AMPD3: variants seen among roughly 807,000 people sequenced by gnomAD.
AMPD3 encodes the protein AMP deaminase 3.
Under a neutral mutation model 82.3 loss-of-function variants are expected in AMPD3, and 57 were observed. The ratio of observed to expected loss-of-function variants is 0.69; its 90% CI spans 0.56 to 0.86. The LOEUF is 0.86. AMPD3 is among the 40% of genes least tolerant of loss of function. The pLI is 0.00. For synonymous variants in AMPD3, 381 were observed against 394.7 expected, an observed-to-expected ratio of 0.97 and a Z score of 0.41; for missense variants, 870 against 1,003.8, an observed-to-expected ratio of 0.87 and a Z score of 1.80.
chr11:10,475,159 A>G (rs1848702178), intron 2 of AMPD3, among the ~76,000 whole-genome samples: 1 of 152,184 alleles, frequency 6.6e-6, no homozygotes, highest in Non-Finnish European at 1.5e-5. Context: ...GTGAAGGCAA[A>G]GCAGGAGCAG....
intron 5 of AMPD3, 39 bp from the exon 6 acceptor site, chr11:10,487,196 G>A (rs762536511): frequency 6.2e-7 from 1 of 1,613,296 alleles, no homozygotes; most frequent in East Asian, 2.2e-5. Context: ...AGAGCTCGAT[G>A]CGACTCAACT....
rs1848505819 is a variant in AMPD3, at chr11:10,469,072, A to G, written c.221+7332A>G. Among the ~76,000 whole-genome samples, 3 of 152,348 alleles carry G rather than the reference A, an allele frequency of 2.0e-5. No homozygotes were observed. In the South Asian group the frequency reaches 6.2e-4, roughly 32 times the overall value. ...TCTAAAATCAACACCCTAACATCAC[A>G]ATTAAAAGAGCTAGAGAAGCAAGAG... On this transcript the variant is annotated intron_variant, in intron 2 of 14. Coordinates refer to ENST00000396553, the MANE Select transcript of AMPD3 (RefSeq NM_001025389.2).
upstream of AMPD3, among the ~76,000 whole-genome samples, chr11:10,451,334 C>G (rs1564835061): frequency 6.6e-6 from 1 of 152,228 alleles, no homozygotes; most frequent in Non-Finnish European, 1.5e-5. Flanking sequence ...AATTAAGGGA[C>G]CTGGGACTTG....
intron 2 of AMPD3, among the ~76,000 whole-genome samples, chr11:10,474,278 T>G (rs1363453015): frequency 6.6e-6 from 1 of 152,144 alleles, no homozygotes; most frequent in Admixed American, 6.5e-5. Context: ...CCCCAGCTCA[T>G]AGTACACATA....
chr11:10,470,790 C>T (rs188834066), intron 2 of AMPD3, among the ~76,000 whole-genome samples: 2 of 152,218 alleles, frequency 1.3e-5, no homozygotes, highest in African/African-American at 4.8e-5. Flanking sequence ...AATTACAAAC[C>T]ACTGCTCAAG....
rs746245438 is a variant in AMPD3 at position 10,494,918 on chromosome 11, G to A, written c.1154G>A (p.Arg385His). ...CCTCAGGGCCGGCAGACATTCCACC[G>A]CTTTGACAAGTTCAACTCCAAATAC... ...DVHAGRQTFH[R>H]FDKFNSKYNP... is the part of the protein sequence containing the mutation. Residue 385 changes from arginine (R) to histidine (H), a missense_variant, in exon 8 of 15, where the codon CGC (arginine) becomes CAC (histidine). Transcript: ENST00000396553. The A allele has an allele frequency of 1.1e-5, 17 of 1,614,036 alleles. No homozygotes were observed. Among genetic ancestry groups the A allele is most frequent in the Admixed American group, 1.7e-5 (1 of 60,004 alleles).
chr11:10,476,671 C>G (rs1848748899), intron 2 of AMPD3, among the ~76,000 whole-genome samples: 2 of 152,134 alleles, frequency 1.3e-5, no homozygotes, highest in Admixed American at 6.5e-5. Flanking sequence ...CTCATGCGTC[C>G]CAGCTGAGGT....
chr11:10,478,746 G>A lies in AMPD3; in HGVS notation c.426+16G>A. On this transcript the variant is annotated intron_variant, in intron 3 of 14. Transcript: ENST00000396553. ...CTGTGCCGGGGTAAGGCGTCTGTGA[G>A]AGTGTTGAATGTGCCTTGCATGCAA... The A allele has an allele frequency of 6.2e-7, 1 of 1,608,270 alleles. No homozygotes were observed. Among genetic ancestry groups the A allele is most frequent in the Non-Finnish European group, 8.5e-7 (1 of 1,179,948 alleles).
At chr11:10,477,780 TGCCATGG>T (rs1848782976) in intron 2 of AMPD3, 12 of 693,946 alleles carry the variant, frequency 1.7e-5, no homozygotes, top group Non-Finnish European at 2.1e-5. Context: ...GCAGCCACTG[TGCCATGG>T]GCCGTGTGAC....
Position 10,497,629 on chromosome 11 carries a change from G to A in AMPD3, c.1557+691G>A, listed in dbSNP as rs559360062. ...AGAATTGAGTCTGTGTGCCCAGAAA[G>A]TGACTGGACAAGCTGAGGGACATCA... On this transcript the variant is annotated intron_variant, in intron 10 of 14. Coordinates refer to ENST00000396553, the MANE Select transcript of AMPD3 (RefSeq NM_001025389.2). 9.6e-5 allele frequency: 95 copies of A among 985,430 alleles called. 1 individual carries two copies. The African/African-American group carries it at 1.1e-3, about 12-fold the overall frequency. 61.0% of individuals were successfully genotyped at this position (985,430 alleles called of 1,614,324 possible).
chr11:10,481,644 C>T (rs948055205), intron 3 of AMPD3: 39 of 384,362 alleles, frequency 1.0e-4, no homozygotes, highest in East Asian at 1.6e-4. Context: ...GCAAAGGGAG[C>T]GATACATGGA....
At chr11:10,495,879 G>A in intron 9 of AMPD3, 146 bp downstream of exon 9, 1 of 1,059,644 alleles carries the variant, frequency 9.4e-7, no homozygotes, top group Non-Finnish European at 1.4e-6. Context: ...TTCCATAGAA[G>A]GAGTGATGAA....
chr11:10,477,729 C>T (rs1448501990), intron 2 of AMPD3, among the ~76,000 whole-genome samples: 9 of 152,288 alleles, frequency 5.9e-5, no homozygotes, highest in African/African-American at 1.7e-4. Context: ...TGGTACACGG[C>T]GGGCTAGAGG....
At chr11:10,453,032 C>T (rs1847999240), upstream of AMPD3, among the ~76,000 whole-genome samples, 2 of 152,160 alleles carry the variant, frequency 1.3e-5, no homozygotes, top group African/African-American at 4.8e-5. Flanking sequence ...TCACTGCAAC[C>T]TCCACCTCCC....
intron 1 of AMPD3, 71 bp from the exon 2 acceptor site, chr11:10,461,444 C>T (rs1371335034): frequency 5.6e-6 from 9 of 1,610,672 alleles, no homozygotes; most frequent in Non-Finnish European, 7.6e-6. Flanking sequence ...GCCCTCACTT[C>T]AGTGCCTTCT....
intron 9 of AMPD3, chr11:10,496,247 G>T (rs1357540701): frequency 1.0e-6 from 1 of 985,264 alleles, no homozygotes; most frequent in African/African-American, 1.7e-5. Flanking sequence ...GAAAAATATA[G>T]ATGTGCAAAG....
chr11:10,503,015 G>A, intron 13 of AMPD3, 121 bp downstream of exon 13: 3 of 1,175,470 alleles, frequency 2.6e-6, no homozygotes, highest in Non-Finnish European at 3.7e-6. Flanking sequence ...TGGTGGCCCA[G>A]TGAAGGCAGG....
At chr11:10,489,908 C>G (rs1479379465) in intron 6 of AMPD3, among the ~76,000 whole-genome samples, 1 of 152,174 alleles carries the variant, frequency 6.6e-6, no homozygotes, top group Non-Finnish European at 1.5e-5. Flanking sequence ...CCCGAACTCT[C>G]AGCCTCAGGT....
At chr11:10,482,510 A>T (rs1043138539) in intron 4 of AMPD3, among the ~76,000 whole-genome samples, 2 of 147,186 alleles carry the variant, frequency 1.4e-5, no homozygotes, top group South Asian at 2.1e-4. Context: ...TCATGTGGGA[A>T]TTTTTTTTTT....
Sources: allele counts gnomAD v4.1 joint callset (sites outside exome capture counted in the v4.1 genomes callset), GRCh38; gene constraint gnomAD v4.1.1; transcripts MANE v1.5; gene names NCBI Gene and HGNC (gene_info 2026-07-23, HGNC 2026-07-21).